C1orf21: variants seen among roughly 807,000 people sequenced by gnomAD.
C1orf21 encodes the protein uncharacterized protein C1orf21.
C1orf21 carries 3 observed loss-of-function variants against 18.7 expected under a neutral mutation model. The observed-to-expected ratio is 0.16, with a 90% CI of 0.07 to 0.42. The LOEUF (loss-of-function observed/expected upper bound fraction) is 0.42, where lower values mean the gene tolerates loss of function less well. Among genes scored for constraint, C1orf21 ranks in the 10% least tolerant of loss-of-function variants. The pLI, the probability that C1orf21 is intolerant of heterozygous loss-of-function variation, is 0.99. For synonymous variants in C1orf21, 41 were observed against 46.4 expected (o/e 0.88, Z 0.47); for missense variants, 104 against 143.6 (o/e 0.72, Z 1.41).
chr1:184,536,337 G>C (rs1476267458), intron 3 of C1orf21, among the ~76,000 whole-genome samples: 1 of 81,836 alleles, frequency 1.2e-5, no homozygotes, highest in Non-Finnish European at 2.4e-5. Context: ...GCTCCACTGT[G>C]CTCACCCTGT....
chr1:184,542,050 C>T (rs1430567334), intron 3 of C1orf21, among the ~76,000 whole-genome samples: 1 of 152,188 alleles, frequency 6.6e-6, no homozygotes, highest in Admixed American at 6.5e-5. Context: ...GCAAATTCCT[C>T]TTCTATACCG....
intron 3 of C1orf21, among the ~76,000 whole-genome samples, chr1:184,585,590 A>T (rs970902498): frequency 6.6e-6 from 1 of 152,152 alleles, no homozygotes; most frequent in African/African-American, 2.4e-5. Flanking sequence ...AATACCCATC[A>T]GTTATTTTTC....
intron 3 of C1orf21, among the ~76,000 whole-genome samples, chr1:184,563,873 AT>A (rs369480783): frequency 7.9e-5 from 12 of 152,324 alleles, no homozygotes; most frequent in African/African-American, 2.4e-4. Context: ...TGTCTGGTGA[AT>A]TTTAGGAACA....
At chr1:184,598,334 T>C in intron 4 of C1orf21, 67 bp from the exon 5 acceptor site, 2 of 1,485,474 alleles carry the variant, frequency 1.3e-6, no homozygotes, top group African/African-American at 1.4e-5. Context: ...ACTCTGCATT[T>C]TTCCTTTGAG....
chr1:184,552,343 C>T (rs1408305794), intron 3 of C1orf21, among the ~76,000 whole-genome samples: 2 of 152,070 alleles, frequency 1.3e-5, no homozygotes, highest in Non-Finnish European at 2.9e-5. Context: ...TTTAAGAAAA[C>T]AATCAGATAC....
At chr1:184,598,093 T>A (rs891073929) in intron 4 of C1orf21, among the ~76,000 whole-genome samples, 8 of 152,126 alleles carry the variant, frequency 5.3e-5, no homozygotes, top group Admixed American at 1.3e-4. Flanking sequence ...GCTTTTTTTT[T>A]AAATCACAAA....
At chr1:184,412,651 GAA>G (rs58696214) in intron 1 of C1orf21, among the ~76,000 whole-genome samples, 1 of 151,460 alleles carries the variant, frequency 6.6e-6, no homozygotes, top group African/African-American at 2.4e-5. Flanking sequence ...CTGCAAAAAA[GAA>G]AAAAAATAGT....
intron 2 of C1orf21, among the ~76,000 whole-genome samples, chr1:184,488,067 A>T (rs1657758219): frequency 1.3e-5 from 2 of 152,248 alleles, no homozygotes; most frequent in South Asian, 4.1e-4. Flanking sequence ...TTATTTGTAG[A>T]TGTATAATTC....
intron 1 of C1orf21, among the ~76,000 whole-genome samples, chr1:184,463,932 A>T (rs1657347319): frequency 6.6e-6 from 1 of 152,190 alleles, no homozygotes; most frequent in Non-Finnish European, 1.5e-5. Context: ...CTTGTTCTGG[A>T]CCTTGAAGGT....
At chr1:184,476,636 T>C (rs1280427024) in intron 1 of C1orf21, among the ~76,000 whole-genome samples, 2 of 152,224 alleles carry the variant, frequency 1.3e-5, no homozygotes, top group Non-Finnish European at 1.5e-5. Flanking sequence ...TAAGCCTTTA[T>C]GAGAAATCGG....
At chr1:184,501,466 A>G (rs533280486) in intron 2 of C1orf21, among the ~76,000 whole-genome samples, 57 of 152,268 alleles carry the variant, frequency 3.7e-4, no homozygotes, top group South Asian at 6.2e-4. Flanking sequence ...AACCTTGATT[A>G]GGGGTCTCTT....
chr1:184,510,541 A>G (rs1455788453), intron 3 of C1orf21, among the ~76,000 whole-genome samples: 1 of 152,182 alleles, frequency 6.6e-6, no homozygotes, highest in Non-Finnish European at 1.5e-5. Flanking sequence ...GATGGGCCTC[A>G]AAGTATGGAA....
At chr1:184,447,304 A>C (rs556589012) in intron 1 of C1orf21, among the ~76,000 whole-genome samples, 1 of 152,318 alleles carries the variant, frequency 6.6e-6, no homozygotes, top group East Asian at 1.9e-4. Flanking sequence ...GCAAATGTGC[A>C]TTTTTTAGTT....
intron 1 of C1orf21, among the ~76,000 whole-genome samples, chr1:184,459,357 A>C (rs1436846812): frequency 6.6e-6 from 1 of 152,240 alleles, no homozygotes; most frequent in Non-Finnish European, 1.5e-5. Flanking sequence ...CAAAGAGTAC[A>C]AGTTGTTAAA....
At chr1:184,473,080 A>G (rs939531622) in intron 1 of C1orf21, among the ~76,000 whole-genome samples, 1 of 152,196 alleles carries the variant, frequency 6.6e-6, no homozygotes, top group Non-Finnish European at 1.5e-5. Flanking sequence ...ACATACAACC[A>G]TTTGGGGAGG....
intron 3 of C1orf21, among the ~76,000 whole-genome samples, chr1:184,543,192 A>T (rs926793278): frequency 1.3e-5 from 2 of 152,122 alleles, no homozygotes; most frequent in South Asian, 2.1e-4. Flanking sequence ...CAAAAAAATT[A>T]AAAAATTAGC....
chr1:184,432,200 C>G (rs1387192152), intron 1 of C1orf21, among the ~76,000 whole-genome samples: 1 of 152,204 alleles, frequency 6.6e-6, no homozygotes, highest in Non-Finnish European at 1.5e-5. Context: ...ATAAATCATT[C>G]TACTCTAATG....
rs140674498 is a variant in C1orf21 at position 184,542,001 on chromosome 1, G to A, written c.189+34319G>A. 7.6e-3 allele frequency among the ~76,000 whole-genome samples: 1,151 copies of A among 152,324 alleles called. 6 individuals are homozygous for A. The highest frequency in any genetic ancestry group is 0.02 in the Middle Eastern group (6 of 294). On this transcript the variant is annotated intron_variant, in intron 3 of 5. Transcript: ENST00000235307. ...AGTTGAATATTCTGGGAAAGGAAGG[G>A]CGAAGGTGATTGAACTGTGCTCTTG...
At chr1:184,522,724 T>C (rs1658321717) in intron 3 of C1orf21, among the ~76,000 whole-genome samples, 1 of 152,184 alleles carries the variant, frequency 6.6e-6, no homozygotes, top group African/African-American at 2.4e-5. Context: ...CTCACTCCGA[T>C]TTGCCCAGGC....
Sources: gnomAD v4.1 joint callset for allele counts (sites outside exome capture counted in the v4.1 genomes callset) on GRCh38, gnomAD v4.1.1 for gene constraint, MANE v1.5 for transcripts, NCBI Gene and HGNC (gene_info 2026-07-23, HGNC 2026-07-21) for gene names.